Variants in LRRC7 observed in about 807,000 individuals in gnomAD.
LRRC7 encodes the protein leucine rich repeat containing 7.
Under a neutral mutation model 175.7 loss-of-function variants are expected in LRRC7, and 23 were observed. That is an observed-to-expected ratio of 0.13 (90% confidence interval 0.09 to 0.19). The LOEUF (loss-of-function observed/expected upper bound fraction) is 0.19, where lower values mean the gene tolerates loss of function less well. Ranked by LOEUF, LRRC7 falls within the 10% of genes least tolerant of loss-of-function variation. LRRC7 has a pLI of 1.00. For synonymous variants in LRRC7, 685 were observed against 680.9 expected, an observed-to-expected ratio of 1.01 and a Z score of -0.09; for missense variants, 1,354 against 1,904.7, an observed-to-expected ratio of 0.71 and a Z score of 5.38.
At chr1:70,109,677 TTTATA>T (rs1029885270) in intron 26 of LRRC7, among the ~76,000 whole-genome samples, 1 of 152,146 alleles carries the variant, frequency 6.6e-6, no homozygotes, top group African/African-American at 2.4e-5. Flanking sequence ...TGAACTGCTG[TTTATA>T]TTATATCTGA....
chr1:69,911,046 T>C (rs973717228), intron 7 of LRRC7, among the ~76,000 whole-genome samples: 12 of 152,218 alleles, frequency 7.9e-5, no homozygotes, highest in African/African-American at 2.9e-4. Flanking sequence ...TTAAGCCCGT[T>C]GGAAAAGCAC....
chr1:69,936,281 G>A (rs1648010873), intron 8 of LRRC7, among the ~76,000 whole-genome samples: 3 of 152,090 alleles, frequency 2.0e-5, no homozygotes, highest in Admixed American at 2.0e-4. Flanking sequence ...AAGAAAAAAT[G>A]TTAGGACTTG....
At chr1:69,780,247 T>C (rs1248045867) in intron 3 of LRRC7, among the ~76,000 whole-genome samples, 1 of 152,218 alleles carries the variant, frequency 6.6e-6, no homozygotes, top group African/African-American at 2.4e-5. Context: ...TTAAATTCTC[T>C]ACATCAAGGA....
chr1:69,916,249 T>A, intron 7 of LRRC7, among the ~76,000 whole-genome samples: 1 of 129,896 alleles, frequency 7.7e-6, no homozygotes, highest in South Asian at 2.2e-4. Context: ...TTATATAAAA[T>A]AAAAATATAA....
chr1:69,655,182 C>A (rs1209170140), intron 1 of LRRC7, among the ~76,000 whole-genome samples: 1 of 152,068 alleles, frequency 6.6e-6, no homozygotes, highest in Non-Finnish European at 1.5e-5. Context: ...ACAAACCTTA[C>A]AGGTATGGTT....
At chr1:70,014,774 G>GC (rs1199213917) in intron 13 of LRRC7, among the ~76,000 whole-genome samples, 1 of 151,984 alleles carries the variant, frequency 6.6e-6, no homozygotes, top group Admixed American at 6.6e-5. Flanking sequence ...CTTGTCAGCT[G>GC]CAAGATTGCT....
chr1:69,592,376 C>T (rs1299179006), intron 1 of LRRC7, among the ~76,000 whole-genome samples: 1 of 151,870 alleles, frequency 6.6e-6, no homozygotes, highest in Non-Finnish European at 1.5e-5. Flanking sequence ...TTCAGACAAA[C>T]AAAACAATTA....
At chr1:69,728,702 T>C (rs1001747789) in intron 2 of LRRC7, among the ~76,000 whole-genome samples, 9 of 152,128 alleles carry the variant, frequency 5.9e-5, no homozygotes, top group Non-Finnish European at 1.2e-4. Context: ...TTATTTGCAA[T>C]AAAGGAAGCT....
At chr1:70,061,755 A>T (rs1661594886) in intron 23 of LRRC7, among the ~76,000 whole-genome samples, 1 of 152,160 alleles carries the variant, frequency 6.6e-6, no homozygotes, top group South Asian at 2.1e-4. Flanking sequence ...CTCCAGTGAG[A>T]CTTTGAAAAT....
chr1:69,888,026 T>A lies in LRRC7; in HGVS notation c.648-43481T>A, dbSNP rs368788164. On this transcript the variant is annotated intron_variant, in intron 7 of 26. Transcript: ENST00000651989. ...AGAACCACTGCTCCCTTCAAAGCTG[T>A]CAGACAGGGACATTTAAGTCTGCAG... Among the ~76,000 whole-genome samples the A allele has an allele frequency of 9.8e-3, 990 of 101,066 alleles. 15 individuals are homozygous for A. Among genetic ancestry groups the A allele is most frequent in the East Asian group, 0.045 (123 of 2,752 alleles). 66.3% of individuals were successfully genotyped at this position (101,066 alleles called of 152,430 possible).
intron 23 of LRRC7, among the ~76,000 whole-genome samples, chr1:70,057,991 C>G (rs1661281507): frequency 6.7e-6 from 1 of 150,220 alleles, no homozygotes; most frequent in African/African-American, 2.5e-5. Context: ...TTCTCTCTTG[C>G]TATGCAGTCC....
intron 3 of LRRC7, among the ~76,000 whole-genome samples, chr1:69,786,079 T>C (rs1485992309): frequency 6.6e-6 from 1 of 152,162 alleles, no homozygotes; most frequent in Non-Finnish European, 1.5e-5. Flanking sequence ...TTATTATATA[T>C]TTAGTGATTT....
At chr1:69,801,879 A>G (rs1381948845) in intron 4 of LRRC7, among the ~76,000 whole-genome samples, 1 of 146,008 alleles carries the variant, frequency 6.8e-6, no homozygotes, top group Admixed American at 6.8e-5. Flanking sequence ...TCTTAGTACT[A>G]CTTTTACTGT....
At chr1:69,995,541 T>C (rs1654857058) in intron 11 of LRRC7, among the ~76,000 whole-genome samples, 1 of 151,116 alleles carries the variant, frequency 6.6e-6, no homozygotes, top group Non-Finnish European at 1.5e-5. Flanking sequence ...CTCCCAATGC[T>C]ATCCCTCCCC....
chr1:69,622,762 G>A (rs1288782955), intron 1 of LRRC7, among the ~76,000 whole-genome samples: 6 of 152,112 alleles, frequency 3.9e-5, no homozygotes, highest in Non-Finnish European at 4.4e-5. Context: ...GGAGAGGAGA[G>A]ATCTTAGGAA....
At chr1:70,096,882 T>A in intron 25 of LRRC7, among the ~76,000 whole-genome samples, 1 of 152,146 alleles carries the variant, frequency 6.6e-6, no homozygotes, top group East Asian at 1.9e-4. Flanking sequence ...CGAGAATGAC[T>A]TTTACTTCTA....
intron 8 of LRRC7, among the ~76,000 whole-genome samples, chr1:69,955,264 C>T (rs181480551): frequency 2.6e-5 from 4 of 152,164 alleles, no homozygotes; most frequent in African/African-American, 9.6e-5. Flanking sequence ...AAATATTAAT[C>T]ATGTGCACTC....
intron 11 of LRRC7, among the ~76,000 whole-genome samples, chr1:70,004,745 C>T (rs1655848406): frequency 1.3e-5 from 2 of 151,710 alleles, no homozygotes; most frequent in Non-Finnish European, 2.9e-5. Context: ...CTCTCCCTCT[C>T]TTTCTCTGTC....
intron 4 of LRRC7, among the ~76,000 whole-genome samples, chr1:69,803,095 T>C (rs1676711339): frequency 6.6e-6 from 1 of 151,420 alleles, no homozygotes. Context: ...CCCCAAACTA[T>C]TCATCCTGCT....
Sources: allele counts gnomAD v4.1 joint callset (sites outside exome capture counted in the v4.1 genomes callset), GRCh38; gene constraint gnomAD v4.1.1; transcripts MANE v1.5; gene names NCBI Gene and HGNC (gene_info 2026-07-23, HGNC 2026-07-21).